The following COL4A4 variants were observed in gnomAD, a reference collection of about 807,000 sequenced individuals.
The protein encoded by COL4A4 is collagen type IV alpha 4 chain.
A neutral mutation model predicts 192.9 loss-of-function variants in COL4A4; 105 were observed. The observed-to-expected ratio is 0.54, with a 90% CI of 0.46 to 0.64. The LOEUF is 0.64. COL4A4 is among the 30% of genes least tolerant of loss of function. The probability of loss-of-function intolerance (pLI) is 0.00; values close to 1 mark genes in which losing one functional copy is unlikely to be tolerated. For missense variants in COL4A4, 1,967 were observed against 2,169.3 expected (o/e 0.91, Z 1.85); for synonymous variants, 762 against 769.9 (o/e 0.99, Z 0.17).
Position 227,043,168 on chromosome 2 carries a change from G to C in COL4A4, c.3306C>G (p.Ser1102=), listed in dbSNP as rs200065408. The change falls in exon 36 of 48, where the codon TCC becomes TCG. Residue 1102 remains serine, a synonymous_variant. Coordinates refer to ENST00000396625, the MANE Select transcript of COL4A4 (RefSeq NM_000092.5). ...SPGCPGHFGA[S]GEQGLPGIQG... is the part of the protein sequence containing the mutation. ...GAATACCAGGCAAGCCCTGCTCTCC[G>C]GATGCTCCAAAATGCCCTAAAGAAG... 6.1e-5 allele frequency: 98 copies of C among 1,613,932 alleles called. No individual in the cohort carries two copies. The highest frequency in any genetic ancestry group is 7.2e-5 in the Non-Finnish European group (85 of 1,179,938).
At chr2:226,988,366 C>T in the COL4A4 span, 3 of 1,550,358 alleles carry the variant, frequency 1.9e-6, no homozygotes, top group Admixed American at 5.9e-5. Flanking sequence ...TGGCAAGTCT[C>T]CTGGACCCCA....
At chr2:227,151,130 T>A (rs72971839) in intron 1 of COL4A4, among the ~76,000 whole-genome samples, 8,349 of 152,258 alleles carry the variant, frequency 0.055, 290 homozygotes, top group Middle Eastern at 0.1. Flanking sequence ...TGCTATTTTT[T>A]AAATTCATAT....
intron 6 of COL4A4, among the ~76,000 whole-genome samples, chr2:227,119,053 C>A (rs1361569654): frequency 6.6e-6 from 1 of 151,670 alleles, no homozygotes; most frequent in Non-Finnish European, 1.5e-5. Context: ...CCCCCACATA[C>A]CTCTTTTTTT....
At chr2:227,145,436 G>A (rs1259980426) in intron 2 of COL4A4, among the ~76,000 whole-genome samples, 1 of 152,160 alleles carries the variant, frequency 6.6e-6, no homozygotes, top group Non-Finnish European at 1.5e-5. Flanking sequence ...AACAGAGTGA[G>A]GTTCTGTCTC....
Position 227,007,394 on chromosome 2 carries a change from G to A in COL4A4, c.5004C>T (p.Asp1668=), listed in dbSNP as rs2149713558. 1 of 1,614,238 alleles carries A rather than the reference G, an allele frequency of 6.2e-7. No homozygotes were observed. The highest frequency in any genetic ancestry group is 8.5e-7 in the Non-Finnish European group (1 of 1,180,046). Reference sequence around the variant, plus strand: ...GTTGGGCCTGGCTTTCTTTTAAGGTGTCTGGTGCTGGAGCAGAGGAAAACT... The same window carrying A: ...GTTGGGCCTGGCTTTCTTTTAAGGTATCTGGTGCTGGAGCAGAGGAAAACT... ...DLQFSSAPAP[D]TLKESQAQRQ... is the part of the protein sequence containing the mutation. Residue 1668 remains aspartate, a synonymous_variant, in exon 48 of 48, where the codon GAC becomes GAT. Transcript: ENST00000396625.
At chr2:227,109,005 T>C (rs2061020460) in intron 10 of COL4A4, 137 bp from the exon 11 acceptor site, 4 of 969,728 alleles carry the variant, frequency 4.1e-6, no homozygotes, top group Non-Finnish European at 6.7e-6. Context: ...GTTTCTATCA[T>C]GGATGGGCTG....
In COL4A4 at chr2:227,043,190, GA is replaced by G; in HGVS notation, c.3290-7del. On this transcript the variant is annotated splice_polypyrimidine_tract_variant and splice_region_variant and intron_variant, in intron 35 of 47. Transcript: ENST00000396625. The stretch of plus-strand genomic sequence containing the variant: ...TCCGGATGCTCCAAAATGCCCTAAA[GA>G]AGGAAAGATCAAACATCAGAGTTGC... 6.2e-7 allele frequency: 1 copy of G among 1,611,696 alleles called. No individual in the cohort carries two copies.
intron 21 of COL4A4, among the ~76,000 whole-genome samples, chr2:227,089,455 T>C (rs1576424379): frequency 6.6e-6 from 1 of 151,648 alleles, no homozygotes; most frequent in African/African-American, 2.4e-5. Flanking sequence ...AGGCAATTGA[T>C]GAGTCTGGGA....
the COL4A4 span, chr2:226,997,275 A>G: frequency 6.6e-6 from 1 of 152,232 alleles, no homozygotes; most frequent in African/African-American, 2.4e-5. Flanking sequence ...TATTCAAGCT[A>G]AATGTTACTG....
At chr2:227,154,168 C>A (rs2064156870) in intron 1 of COL4A4, among the ~76,000 whole-genome samples, 1 of 152,220 alleles carries the variant, frequency 6.6e-6, no homozygotes, top group Non-Finnish European at 1.5e-5. Flanking sequence ...TTGTTATCCT[C>A]CTCTAATTCC....
chr2:226,996,305 G>T, the COL4A4 span: 1 of 152,242 alleles, frequency 6.6e-6, no homozygotes, highest in Admixed American at 6.5e-5. Flanking sequence ...ACAGAGTAGA[G>T]CGAAGGCATT....
At chr2:226,978,904 T>A in the COL4A4 span, among the ~76,000 whole-genome samples, 1 of 152,126 alleles carries the variant, frequency 6.6e-6, no homozygotes. Context: ...GAATGGCTGG[T>A]AGGAAGACAG....
At chr2:226,974,040 A>G in the COL4A4 span, among the ~76,000 whole-genome samples, 1 of 152,118 alleles carries the variant, frequency 6.6e-6, no homozygotes, top group African/African-American at 2.4e-5. Flanking sequence ...CTCCTTACCC[A>G]GTTTGTCAGG....
intron 25 of COL4A4, among the ~76,000 whole-genome samples, chr2:227,074,170 C>T (rs1038615790): frequency 1.3e-5 from 2 of 151,746 alleles, no homozygotes; most frequent in Non-Finnish European, 2.9e-5. Flanking sequence ...GGCCAGTATG[C>T]GGAATCTACA....
At chr2:227,140,305 A>G in intron 3 of COL4A4, 67 bp from the exon 4 acceptor site, 1 of 1,311,360 alleles carries the variant, frequency 7.6e-7, no homozygotes, top group Non-Finnish European at 1.1e-6. Flanking sequence ...TAACACATAC[A>G]TTATAACAAG....
At chr2:227,101,031 A>G (rs1472711771) in intron 17 of COL4A4, among the ~76,000 whole-genome samples, 1 of 151,946 alleles carries the variant, frequency 6.6e-6, no homozygotes. Flanking sequence ...GATGGTCTCG[A>G]TCTCCTGACC....
intron 1 of COL4A4, among the ~76,000 whole-genome samples, chr2:227,158,041 G>A (rs1301307301): frequency 6.6e-6 from 1 of 152,024 alleles, no homozygotes; most frequent in Admixed American, 6.5e-5. Context: ...ATATGTAAAT[G>A]CAAATGACCT....
At chr2:227,089,718 G>T in intron 21 of COL4A4, 150 bp downstream of exon 21, 1 of 677,916 alleles carries the variant, frequency 1.5e-6, no homozygotes, top group South Asian at 1.7e-5. Flanking sequence ...TCAGTGACTT[G>T]TAATCACATA....
chr2:227,145,737 T>C (rs1174628989), intron 2 of COL4A4, among the ~76,000 whole-genome samples: 3 of 152,178 alleles, frequency 2.0e-5, no homozygotes, highest in Non-Finnish European at 2.9e-5. Flanking sequence ...TTTGCTGAGA[T>C]GCCGACAGAC....
Sources: gnomAD v4.1 joint callset for allele counts (sites outside exome capture counted in the v4.1 genomes callset) on GRCh38, gnomAD v4.1.1 for gene constraint, MANE v1.5 for transcripts, NCBI Gene and HGNC (gene_info 2026-07-23, HGNC 2026-07-21) for gene names.